The following SLC22A15 variants were observed in gnomAD, a reference collection of about 807,000 sequenced individuals.
SLC22A15 encodes the protein solute carrier family 22 member 15.
SLC22A15 carries 45 observed loss-of-function variants against 62.7 expected under a neutral mutation model. That is an observed-to-expected ratio of 0.72 (90% confidence interval 0.56 to 0.92). The LOEUF (loss-of-function observed/expected upper bound fraction) is 0.92. SLC22A15 is among the 40% of genes least tolerant of loss of function. SLC22A15 has a pLI of 0.00. For missense variants in SLC22A15, 622 were observed against 665.6 expected, an observed-to-expected ratio of 0.93 and a Z score of 0.72; for synonymous variants, 264 against 267.0, an observed-to-expected ratio of 0.99 and a Z score of 0.11.
intron 2 of SLC22A15, among the ~76,000 whole-genome samples, chr1:116,007,770 C>G (rs777565477): frequency 9.2e-5 from 14 of 152,166 alleles, no homozygotes; most frequent in Non-Finnish European, 1.6e-4. Flanking sequence ...ACCTAATAAG[C>G]TGCTAGTCTG....
intron 8 of SLC22A15, among the ~76,000 whole-genome samples, chr1:116,044,220 A>G (rs542970561): frequency 1.4e-4 from 22 of 152,366 alleles, no homozygotes; most frequent in African/African-American, 5.3e-4. Context: ...ATATTAGCAA[A>G]TTGAGTCCAG....
At chr1:115,998,238 G>A (rs565177548) in intron 2 of SLC22A15, among the ~76,000 whole-genome samples, 1 of 152,066 alleles carries the variant, frequency 6.6e-6, no homozygotes, top group Admixed American at 6.6e-5. Context: ...TGGCCTCTAG[G>A]TTTTCTTTTT....
chr1:116,064,996 A>G (rs879185768), intron 10 of SLC22A15, among the ~76,000 whole-genome samples: 5 of 152,142 alleles, frequency 3.3e-5, no homozygotes, highest in Non-Finnish European at 7.4e-5. Context: ...TATGTCTCTC[A>G]CTGTGTCTGT....
intron 2 of SLC22A15, among the ~76,000 whole-genome samples, chr1:116,000,181 C>T (rs1655650251): frequency 6.6e-6 from 1 of 151,584 alleles, no homozygotes; most frequent in South Asian, 2.1e-4. Context: ...TTTTCTCTTC[C>T]TTTTTTCTTT....
intron 3 of SLC22A15, among the ~76,000 whole-genome samples, chr1:116,020,258 A>AC (rs1557890267): frequency 6.6e-6 from 1 of 151,436 alleles, no homozygotes; most frequent in Admixed American, 6.6e-5. Flanking sequence ...AAAAAAAAAA[A>AC]AAACACACAG....
At chr1:116,012,210 GA>G (rs1317695396) in intron 2 of SLC22A15, among the ~76,000 whole-genome samples, 1 of 152,042 alleles carries the variant, frequency 6.6e-6, no homozygotes, top group Non-Finnish European at 1.5e-5. Flanking sequence ...TAGGTCACAG[GA>G]AAAAACGGAA....
intron 8 of SLC22A15, among the ~76,000 whole-genome samples, chr1:116,046,228 C>CA (rs1237893332): frequency 1.3e-5 from 2 of 150,916 alleles, no homozygotes; most frequent in African/African-American, 4.9e-5. Context: ...ACCAAAAGCA[C>CA]AAAAAGAAAA....
At chr1:116,022,086 G>T (rs1557891650) in intron 4 of SLC22A15, among the ~76,000 whole-genome samples, 1 of 152,192 alleles carries the variant, frequency 6.6e-6, no homozygotes, top group African/African-American at 2.4e-5. Context: ...CGAGTGGAAG[G>T]ATCCATAGGG....
chr1:115,982,336 C>T (rs1167676438), intron 1 of SLC22A15, among the ~76,000 whole-genome samples: 2 of 152,134 alleles, frequency 1.3e-5, no homozygotes, highest in Non-Finnish European at 2.9e-5. Context: ...GTGATTCTAC[C>T]ACCCTAAAGT....
intron 2 of SLC22A15, among the ~76,000 whole-genome samples, chr1:115,993,447 GTGTGTGTGTGTC>G (rs1242071777): frequency 4.7e-5 from 7 of 150,170 alleles, no homozygotes; most frequent in South Asian, 2.1e-4. Context: ...GTGTGTGTGT[GTGTGTGTGTGTC>G]TGTCTGTCTG....
chr1:116,046,443 A>C (rs1187720243), intron 8 of SLC22A15, among the ~76,000 whole-genome samples: 1 of 152,240 alleles, frequency 6.6e-6, no homozygotes, highest in East Asian at 1.9e-4. Context: ...CTCCAAAAAG[A>C]TATAAAAATG....
intron 2 of SLC22A15, among the ~76,000 whole-genome samples, chr1:116,014,288 G>C (rs1656418950): frequency 6.6e-6 from 1 of 152,128 alleles, no homozygotes; most frequent in Admixed American, 6.6e-5. Flanking sequence ...TTTTATGTTA[G>C]AGGCACCTGC....
At chr1:115,982,985 G>C (rs1654687162) in intron 1 of SLC22A15, among the ~76,000 whole-genome samples, 1 of 152,162 alleles carries the variant, frequency 6.6e-6, no homozygotes, top group Non-Finnish European at 1.5e-5. Flanking sequence ...CTGCAGAATA[G>C]CCTGCATGGT....
chr1:116,027,309 T>C, intron 5 of SLC22A15: 2 of 555,270 alleles, frequency 3.6e-6, no homozygotes, highest in South Asian at 2.8e-5. Flanking sequence ...ACCTAATACC[T>C]CAACCTTAAA....
At chr1:116,040,927 G>C (rs1186068803) in intron 8 of SLC22A15, among the ~76,000 whole-genome samples, 1 of 152,322 alleles carries the variant, frequency 6.6e-6, no homozygotes, top group South Asian at 2.1e-4. Context: ...TAGAACCAAA[G>C]TATTCGTTGT....
rs932292813 is a variant in SLC22A15 at position 116,069,194 on chromosome 1, T to G, written c.*2086T>G. ...TTGAATATGTGTTACTTAATAAGGC[T>G]AGGCTGGCCATCAGTTGCTTATTTC... On this transcript the variant is annotated 3_prime_UTR_variant, in exon 12 of 12. Transcript: ENST00000369503. 3 of 152,184 alleles carry G rather than the reference T, an allele frequency of 2.0e-5. No individual in the cohort carries two copies. The highest frequency in any genetic ancestry group is 3.2e-3 in the Middle Eastern group (1 of 316). 9.4% of individuals were successfully genotyped at this position (152,184 alleles called of 1,614,324 possible).
intron 2 of SLC22A15, among the ~76,000 whole-genome samples, chr1:116,000,042 G>A (rs1410610296): frequency 6.6e-6 from 1 of 151,914 alleles, no homozygotes; most frequent in African/African-American, 2.4e-5. Flanking sequence ...ATTGGGTCTT[G>A]GTTTTTTTAT....
At chr1:115,993,905 A>G (rs186874602) in intron 2 of SLC22A15, among the ~76,000 whole-genome samples, 88 of 152,116 alleles carry the variant, frequency 5.8e-4, no homozygotes, top group African/African-American at 2.1e-3. Context: ...AGCATAACCT[A>G]TTATTGTCAG....
rs543503010 is a variant in SLC22A15 at position 116,029,012 on chromosome 1, A to G, written c.728+1990A>G. On this transcript the variant is annotated intron_variant, in intron 5 of 11. Transcript: ENST00000369503. ...TATGTTTCTGCCTCATAATGGAGCC[A>G]TGTTCTCTCTTTCTAAACTGAGAGC... Among the ~76,000 whole-genome samples, 4 of 152,298 alleles carry G rather than the reference A, an allele frequency of 2.6e-5. No individual in the cohort carries two copies. The East Asian group carries it at 5.8e-4, about 22-fold the overall frequency.
Sources: allele counts gnomAD v4.1 joint callset (sites outside exome capture counted in the v4.1 genomes callset), GRCh38; gene constraint gnomAD v4.1.1; transcripts MANE v1.5; gene names NCBI Gene and HGNC (gene_info 2026-07-23, HGNC 2026-07-21).